STK3: variants seen among roughly 807,000 people sequenced by gnomAD.
The protein encoded by STK3 is serine/threonine kinase 3.
A neutral mutation model predicts 58.0 loss-of-function variants in STK3; 41 were observed. The observed-to-expected ratio is 0.71, with a 90% confidence interval of 0.55 to 0.92. The LOEUF is 0.92. STK3 is among the 40% of genes least tolerant of loss of function. The pLI is 0.00. For missense variants in STK3, 479 were observed against 602.7 expected, an observed-to-expected ratio of 0.79 and a Z score of 2.15; for synonymous variants, 170 against 191.0, an observed-to-expected ratio of 0.89 and a Z score of 0.91.
At chr8:98,869,059 G>A (rs995607625) in intron 3 of STK3, among the ~76,000 whole-genome samples, 3 of 150,014 alleles carry the variant, frequency 2.0e-5, no homozygotes, top group Non-Finnish European at 4.4e-5. Flanking sequence ...AGGAAGGAAG[G>A]AAGGAAGGAA....
chr8:98,862,174 A>G (rs1232778443), intron 3 of STK3, among the ~76,000 whole-genome samples: 3 of 152,204 alleles, frequency 2.0e-5, no homozygotes, highest in Admixed American at 1.3e-4. Flanking sequence ...GAATTGAGGA[A>G]AGATGTGTGA....
chr8:98,785,836 GA>G (rs1164092300), intron 1 of STK3, among the ~76,000 whole-genome samples: 1 of 151,892 alleles, frequency 6.6e-6, no homozygotes, highest in Non-Finnish European at 1.5e-5. Flanking sequence ...AGGGAAAGAA[GA>G]AAAAAACAAC....
At chr8:98,709,061 A>G (rs1215832951) in intron 4 of STK3, among the ~76,000 whole-genome samples, 1 of 152,088 alleles carries the variant, frequency 6.6e-6, no homozygotes, top group Admixed American at 6.5e-5. Flanking sequence ...ACAAATGTCC[A>G]AAGACTTAAT....
rs566183323 is a variant in STK3 at position 98,551,675 on chromosome 8, A to T, written c.949-3514T>A. On this transcript the variant is annotated intron_variant, in intron 8 of 10. Coordinates refer to ENST00000419617, the MANE Select transcript of STK3 (RefSeq NM_006281.4). Reference sequence around the variant, plus strand: ...TCCAACCACAGACTGGCGCACAAGGATAAGCACTTCAAAACAATTAGGCAG... The same window carrying T: ...TCCAACCACAGACTGGCGCACAAGGTTAAGCACTTCAAAACAATTAGGCAG... Among the ~76,000 whole-genome samples, 9 of 152,266 alleles carry T rather than the reference A, an allele frequency of 5.9e-5. No individual in the cohort carries two copies. In the South Asian group the frequency reaches 1.9e-3, roughly 32 times the overall value.
At chr8:98,732,680 T>A (rs148932616) in intron 4 of STK3, among the ~76,000 whole-genome samples, 1 of 150,616 alleles carries the variant, frequency 6.6e-6, no homozygotes, top group Middle Eastern at 3.2e-3. Context: ...AACCCAAGAG[T>A]CAAGTGAAAA....
intron 3 of STK3, chr8:98,429,266 C>T (rs759484444): frequency 1.2e-6 from 2 of 1,613,994 alleles, no homozygotes. Context: ...CCATGCGCAG[C>T]TGTGACTTTG....
chr8:98,885,060 T>C (rs1288859509), intron 1 of STK3, among the ~76,000 whole-genome samples: 1 of 152,200 alleles, frequency 6.6e-6, no homozygotes, highest in Non-Finnish European at 1.5e-5. Context: ...CTGTTAACAA[T>C]GAGGAATGTG....
At chr8:98,389,837 G>A (rs1056666027), upstream of STK3, among the ~76,000 whole-genome samples, 2 of 151,368 alleles carry the variant, frequency 1.3e-5, no homozygotes, top group African/African-American at 2.4e-5. Flanking sequence ...AGGAATTGTT[G>A]CCTCCCCAAA....
chr8:98,737,988 G>A (rs966192286), intron 4 of STK3, among the ~76,000 whole-genome samples: 5 of 152,150 alleles, frequency 3.3e-5, no homozygotes, highest in African/African-American at 9.7e-5. Context: ...AGGATTACAG[G>A]CGTGAGCCAC....
rs1822028247 is a variant in STK3 at position 98,662,342 on chromosome 8, C to T, written c.684+44125G>A. On this transcript the variant is annotated intron_variant, in intron 6 of 10. Transcript: ENST00000419617. ...TTTTATTCAAGCAAGTGGGATCCAG[C>T]AAAAAAATGGAGACCCTCCCCAAAA... 1.3e-5 allele frequency among the ~76,000 whole-genome samples: 2 copies of T among 152,040 alleles called. 1 individual carries two copies. Among genetic ancestry groups the T allele is most frequent in the Middle Eastern group, 6.8e-3 (2 of 294 alleles).
intron 1 of STK3, among the ~76,000 whole-genome samples, chr8:98,886,547 C>T (rs1484700559): frequency 6.6e-6 from 1 of 152,186 alleles, no homozygotes; most frequent in Non-Finnish European, 1.5e-5. Flanking sequence ...CATACCCATG[C>T]TAAGCTGTTA....
chr8:98,434,173 CA>C, exon 3 of STK3: 2 of 152,390 alleles, frequency 1.3e-5, no homozygotes, highest in Non-Finnish European at 1.5e-5. Context: ...GTGTATGCAG[CA>C]AAAGGGTGTA....
At chr8:98,518,689 A>C (rs1439804569) in intron 10 of STK3, among the ~76,000 whole-genome samples, 1 of 152,164 alleles carries the variant, frequency 6.6e-6, no homozygotes, top group Non-Finnish European at 1.5e-5. Flanking sequence ...AGACAATCAC[A>C]TGACACAACT....
At chr8:98,512,325 T>C (rs928187743) in intron 10 of STK3, among the ~76,000 whole-genome samples, 3 of 152,180 alleles carry the variant, frequency 2.0e-5, no homozygotes, top group African/African-American at 7.2e-5. Context: ...TTGGTCTGAA[T>C]TGTTCTAAGT....
chr8:98,709,676 A>C (rs555825830), intron 4 of STK3, among the ~76,000 whole-genome samples: 2 of 152,306 alleles, frequency 1.3e-5, no homozygotes, highest in African/African-American at 4.8e-5. Context: ...ACCTTAACAG[A>C]ATGGAGAAGA....
chr8:98,400,912 T>C (rs1035511344), downstream of STK3, among the ~76,000 whole-genome samples: 1 of 152,250 alleles, frequency 6.6e-6, no homozygotes, highest in Middle Eastern at 3.4e-3. Flanking sequence ...TTATTTTCAA[T>C]CCCATATGTT....
chr8:98,822,248 TG>T (rs2131737829), intron 1 of STK3, among the ~76,000 whole-genome samples: 1 of 152,212 alleles, frequency 6.6e-6, no homozygotes, highest in East Asian at 1.9e-4. Flanking sequence ...TTAAACTGGA[TG>T]GTAATACCTA....
intron 3 of STK3, among the ~76,000 whole-genome samples, chr8:98,752,381 G>A (rs1294664793): frequency 6.6e-6 from 1 of 152,172 alleles, no homozygotes; most frequent in Non-Finnish European, 1.5e-5. Context: ...AAATGGTGCT[G>A]GGATAACCAG....
At chr8:98,650,669 A>G (rs1404869685) in intron 6 of STK3, among the ~76,000 whole-genome samples, 3 of 152,190 alleles carry the variant, frequency 2.0e-5, no homozygotes, top group Non-Finnish European at 4.4e-5. Flanking sequence ...CTTAAAAAAC[A>G]GCGCACCAGG....
Sources: allele counts gnomAD v4.1 joint callset (sites outside exome capture counted in the v4.1 genomes callset), GRCh38; gene constraint gnomAD v4.1.1; transcripts MANE v1.5; gene names NCBI Gene and HGNC (gene_info 2026-07-23, HGNC 2026-07-21).